Variants in IL22RA2 observed in about 807,000 individuals in gnomAD.
IL22RA2 encodes interleukin 22 receptor subunit alpha 2.
A neutral mutation model predicts 30.7 loss-of-function variants in IL22RA2; 39 were observed. That is an observed-to-expected ratio of 1.27 (90% CI 0.98 to 1.66). The LOEUF is 1.66. Among genes scored for constraint, IL22RA2 ranks in the 40% most tolerant of loss-of-function variants. IL22RA2 has a pLI of 0.00. For synonymous variants in IL22RA2, 103 were observed against 105.0 expected, an observed-to-expected ratio of 0.98 and a Z score of 0.11; for missense variants, 315 against 312.7, an observed-to-expected ratio of 1.01 and a Z score of -0.05.
chr6:137,161,749 TG>T lies in IL22RA2; in HGVS notation c.-1del. 1 of 1,613,280 alleles carries T rather than the reference TG, an allele frequency of 6.2e-7. No individual in the cohort carries two copies. The highest frequency in any genetic ancestry group is 8.5e-7 in the Non-Finnish European group (1 of 1,179,450). On this transcript the variant is annotated 5_prime_UTR_variant, in exon 2 of 7. Transcript: ENST00000296980. ...CCTAGAAAGCAATGTTTAGGCATCA[TG>T]GTTGCAAGTGTGACTGTTCAGGCAA...
chr6:137,145,770 G>T lies in IL22RA2; in HGVS notation c.646C>A (p.Gln216Lys). The T allele has an allele frequency of 6.2e-7, 1 of 1,613,788 alleles. No homozygotes were observed. Among genetic ancestry groups the T allele is most frequent in the Non-Finnish European group, 8.5e-7 (1 of 1,179,884 alleles). ...FIINNSLEKE[Q>K]KVYEGAHRAV... Reference sequence around the variant, plus strand: ...CTGTGAGCCCCTTCATAAACCTTTTGCTCCTACACACGAGAGAGAAAATAA... The same window carrying T: ...CTGTGAGCCCCTTCATAAACCTTTTTCTCCTACACACGAGAGAGAAAATAA... Residue 216 changes from glutamine to lysine, a missense_variant, in exon 7 of 7, where the codon CAA becomes AAA. By Grantham distance (53) the Gln-to-Lys change is moderately conservative (BLOSUM62 1). Transcript: ENST00000296980.
At chr6:137,147,200 A>T (rs9483994) in intron 6 of IL22RA2, among the ~76,000 whole-genome samples, 34,346 of 139,758 alleles carry the variant, frequency 0.25, 3,922 homozygotes, top group African/African-American at 0.3. Context: ...AAAAAAAAAA[A>T]AAAAAAAAAA....
At position 137,147,834 on chromosome 6, in the gene IL22RA2, A is replaced by G. The variant is rs749280785; in HGVS notation, c.530T>C (p.Ile177Thr). 1 of 1,613,652 alleles carries G rather than the reference A, an allele frequency of 6.2e-7. No individual in the cohort carries two copies. Among genetic ancestry groups the G allele is most frequent in the South Asian group, 1.1e-5 (1 of 91,054 alleles). ...ATATGGTAAATTTGGAGCATGGAGA[A>G]TTACCAACAAAGAGCCATTGACTTG... is the stretch of plus-strand genomic sequence containing the variant. ...ITQVNGSLLV[I>T]LHAPNLPYRY... The change falls in exon 6 of 7, where the codon ATT (isoleucine) becomes ACT (threonine). Residue 177 changes from isoleucine (I) to threonine (T), a missense_variant. Ile to Thr is a moderately conservative substitution (Grantham distance 89, BLOSUM62 -1). Coordinates refer to ENST00000296980, the MANE Select transcript of IL22RA2 (RefSeq NM_052962.3).
intron 1 of IL22RA2, among the ~76,000 whole-genome samples, chr6:137,163,346 A>C (rs1316207696): frequency 6.6e-6 from 1 of 152,088 alleles, no homozygotes; most frequent in East Asian, 1.9e-4. Flanking sequence ...CGGTCTCTCC[A>C]ATCTTTGGTT....
chr6:137,163,470 G>A (rs189661141), intron 1 of IL22RA2, among the ~76,000 whole-genome samples: 3 of 152,176 alleles, frequency 2.0e-5, no homozygotes, highest in African/African-American at 4.8e-5. Context: ...TGGTGCCACC[G>A]GGAGAGTTTT....
At chr6:137,168,076 G>A (rs1413667431) in intron 1 of IL22RA2, among the ~76,000 whole-genome samples, 1 of 152,166 alleles carries the variant, frequency 6.6e-6, no homozygotes, top group African/African-American at 2.4e-5. Flanking sequence ...AATCATATTA[G>A]TAATACTGAA....
At chr6:137,167,373 G>A (rs1443886952) in intron 1 of IL22RA2, among the ~76,000 whole-genome samples, 1 of 152,210 alleles carries the variant, frequency 6.6e-6, no homozygotes, top group East Asian at 1.9e-4. Flanking sequence ...CACCCTATAA[G>A]ATAGTGTTTG....
chr6:137,159,328 C>CTT (rs200244080), intron 2 of IL22RA2, among the ~76,000 whole-genome samples: 1 of 149,290 alleles, frequency 6.7e-6, no homozygotes, highest in Admixed American at 6.7e-5. Context: ...AGAAGCATAT[C>CTT]TTTTTTTTTT....
At chr6:137,160,409 C>G (rs1778498586) in intron 2 of IL22RA2, among the ~76,000 whole-genome samples, 1 of 152,162 alleles carries the variant, frequency 6.6e-6, no homozygotes, top group Admixed American at 6.5e-5. Context: ...CCTTGGACAC[C>G]TGAAGGAGAT....
chr6:137,146,777 G>T (rs1228991052), intron 6 of IL22RA2, among the ~76,000 whole-genome samples: 3 of 152,170 alleles, frequency 2.0e-5, no homozygotes, highest in Admixed American at 2.0e-4. Flanking sequence ...CAGATCAGTT[G>T]ATCCCAGGAG....
At chr6:137,161,607 G>C (rs1362970505) in intron 2 of IL22RA2, 82 bp downstream of exon 2, 3 of 1,146,668 alleles carry the variant, frequency 2.6e-6, no homozygotes, top group Non-Finnish European at 3.9e-6. Flanking sequence ...GTTCAAAAAA[G>C]CACCAGTGCC....
intron 5 of IL22RA2, among the ~76,000 whole-genome samples, chr6:137,149,516 T>C (rs1778244855): frequency 1.3e-5 from 2 of 152,208 alleles, no homozygotes; most frequent in African/African-American, 4.8e-5. Flanking sequence ...ATCTATCACC[T>C]GGTCCTGCCA....
At chr6:137,168,813 G>A (rs1388232015) in intron 1 of IL22RA2, among the ~76,000 whole-genome samples, 1 of 152,126 alleles carries the variant, frequency 6.6e-6, no homozygotes, top group Non-Finnish European at 1.5e-5. Flanking sequence ...TATTCCTCTG[G>A]TCATCACAAA....
chr6:137,151,268 G>T (rs892911292), intron 5 of IL22RA2, among the ~76,000 whole-genome samples: 7 of 152,134 alleles, frequency 4.6e-5, no homozygotes, highest in Non-Finnish European at 1.0e-4. Context: ...TAAACTACAC[G>T]TCTATGGTCT....
Position 137,160,818 on chromosome 6 carries a change from G to A in IL22RA2, c.61+871C>T, listed in dbSNP as rs1778506572. On this transcript the variant is annotated intron_variant, in intron 2 of 6. Coordinates refer to ENST00000296980, the MANE Select transcript of IL22RA2 (RefSeq NM_052962.3). Reference sequence around the variant, plus strand: ...TAAGATGCAGAGCCAGGAACATTTTGGTAGCATTTGAATTCCTGCCGTATT... The same window carrying A: ...TAAGATGCAGAGCCAGGAACATTTTAGTAGCATTTGAATTCCTGCCGTATT... 3.3e-5 allele frequency among the ~76,000 whole-genome samples: 5 copies of A among 152,166 alleles called. No homozygotes were observed. The South Asian group carries it at 1.0e-3, about 31-fold the overall frequency.
Position 137,144,014 on chromosome 6 carries a change from T to C in IL22RA2, c.*1610A>G, listed in dbSNP as rs1778124719. 6.6e-6 allele frequency: 1 copy of C among 152,254 alleles called. No individual in the cohort carries two copies. The highest frequency in any genetic ancestry group is 1.5e-5 in the Non-Finnish European group (1 of 68,050). 9.4% of individuals were successfully genotyped at this position (152,254 alleles called of 1,614,324 possible). A position where few individuals can be genotyped will look rare whatever the true frequency, so the allele number is the denominator to read the frequency against. On this transcript the variant is annotated 3_prime_UTR_variant, in exon 7 of 7. Transcript: ENST00000296980. ...TCATGAAACAACCATAAATGAATTT[T>C]GTTTTATTAAGTCAGGCTTCAGGAC...
intron 1 of IL22RA2, among the ~76,000 whole-genome samples, chr6:137,171,332 TCTC>T (rs764522060): frequency 2.6e-5 from 4 of 152,160 alleles, no homozygotes; most frequent in Non-Finnish European, 5.9e-5. Context: ...GTCTTTTTCT[TCTC>T]CTTCTTAAAT....
chr6:137,148,510 T>C (rs1582876801), intron 5 of IL22RA2, among the ~76,000 whole-genome samples: 1 of 152,138 alleles, frequency 6.6e-6, no homozygotes, highest in Non-Finnish European at 1.5e-5. Flanking sequence ...CCACTTAGGG[T>C]CTAGTTACCA....
At chr6:137,151,689 C>G (rs202569) in intron 5 of IL22RA2, among the ~76,000 whole-genome samples, 1 of 151,976 alleles carries the variant, frequency 6.6e-6, no homozygotes, top group Admixed American at 6.6e-5. Flanking sequence ...TATAAAGAAC[C>G]CTTACAACTC....
Sources: gnomAD v4.1 joint callset for allele counts (sites outside exome capture counted in the v4.1 genomes callset) on GRCh38, gnomAD v4.1.1 for gene constraint, MANE v1.5 for transcripts, NCBI Gene and HGNC (gene_info 2026-07-23, HGNC 2026-07-21) for gene names.